Variants in CTNNA2 observed in about 807,000 individuals in gnomAD.
CTNNA2 encodes catenin alpha 2.
CTNNA2 carries 42 observed loss-of-function variants against 101.0 expected under a neutral mutation model. The observed-to-expected ratio is 0.42, with a 90% CI of 0.32 to 0.54. The LOEUF is 0.54. Ranked by LOEUF, CTNNA2 falls within the 20% of genes least tolerant of loss-of-function variation. The pLI is 0.14. For synonymous variants in CTNNA2, 450 were observed against 456.4 expected, an observed-to-expected ratio of 0.99 and a Z score of 0.18; for missense variants, 871 against 1,223.1, an observed-to-expected ratio of 0.71 and a Z score of 4.29.
rs115455560 is a variant in CTNNA2, at chr2:80,102,126, C to T, written c.1056+192329C>T. 5.0e-3 allele frequency among the ~76,000 whole-genome samples: 765 copies of T among 152,204 alleles called. 8 individuals carry two copies. Among genetic ancestry groups the T allele is most frequent in the African/African-American group, 0.017 (710 of 41,508 alleles). On this transcript the variant is annotated intron_variant, in intron 7 of 18. Transcript: ENST00000402739. ...AGTCTCTCTGACAGTACCTAGTGCC[C>T]GATATAAGGTTAGTAGGCAATGAGT...
intron 7 of CTNNA2, among the ~76,000 whole-genome samples, chr2:80,208,443 A>T (rs1707669012): frequency 6.6e-6 from 1 of 152,186 alleles, no homozygotes; most frequent in South Asian, 2.1e-4. Context: ...TAACAATTAT[A>T]AGGAAAGAAA....
chr2:79,489,142 G>A (rs1480031825), intron 4 of CTNNA2, among the ~76,000 whole-genome samples: 13 of 151,880 alleles, frequency 8.6e-5, no homozygotes. Flanking sequence ...ACATAATCAT[G>A]TTTACTTGGT....
chr2:79,564,237 ATATAT>A (rs996374848), intron 1 of CTNNA2, among the ~76,000 whole-genome samples: 2 of 151,372 alleles, frequency 1.3e-5, no homozygotes, highest in African/African-American at 4.8e-5. Flanking sequence ...GATTTTTAAA[ATATAT>A]TATTTTAAAA....
chr2:80,170,015 G>C (rs2148960342), intron 7 of CTNNA2, among the ~76,000 whole-genome samples: 1 of 152,344 alleles, frequency 6.6e-6, no homozygotes, highest in East Asian at 1.9e-4. Context: ...ACAGTGCCTA[G>C]AGGTAGCAAG....
At chr2:80,229,457 T>C (rs976232206) in intron 7 of CTNNA2, among the ~76,000 whole-genome samples, 7 of 152,166 alleles carry the variant, frequency 4.6e-5, no homozygotes, top group African/African-American at 1.7e-4. Context: ...ACCAGATTAC[T>C]GGTTTATTAT....
At chr2:80,462,631 C>CTTT (rs753815778) in intron 9 of CTNNA2, among the ~76,000 whole-genome samples, 4,710 of 94,640 alleles carry the variant, frequency 0.05, 406 homozygotes, top group African/African-American at 0.18. Flanking sequence ...TTCTTTCTTT[C>CTTT]TTTTTTTTTT....
chr2:79,754,789 G>A (rs2105050510), intron 3 of CTNNA2, among the ~76,000 whole-genome samples: 1 of 152,212 alleles, frequency 6.6e-6, no homozygotes, highest in East Asian at 1.9e-4. Context: ...TAGTTACCAT[G>A]TTCTAGTATG....
rs186841414 is a variant in CTNNA2, at chr2:80,127,043, G to C, written c.1056+217246G>C. ...ATCAGTGTTGTTTTCTCAGACAAAA[G>C]ACAGGAAACATTTTTGGAGAAAACT... is the stretch of plus-strand genomic sequence containing the variant. On this transcript the variant is annotated intron_variant, in intron 7 of 18. Transcript: ENST00000402739. 9.3e-4 allele frequency among the ~76,000 whole-genome samples: 141 copies of C among 152,178 alleles called. 2 individuals are homozygous for C. The highest frequency in any genetic ancestry group is 3.3e-3 in the African/African-American group (137 of 41,526).
chr2:80,200,887 C>T (rs1707162299), intron 7 of CTNNA2, among the ~76,000 whole-genome samples: 1 of 151,568 alleles, frequency 6.6e-6, no homozygotes, highest in Non-Finnish European at 1.5e-5. Context: ...TTTCCTGTAC[C>T]TTCTCAGTGT....
At chr2:80,570,563 C>T (rs1273910872) in intron 12 of CTNNA2, among the ~76,000 whole-genome samples, 1 of 152,096 alleles carries the variant, frequency 6.6e-6, no homozygotes, top group Non-Finnish European at 1.5e-5. Flanking sequence ...GATGTCTTGT[C>T]AGTTACAGTA....
intron 1 of CTNNA2, among the ~76,000 whole-genome samples, chr2:79,625,326 G>A (rs1679238701): frequency 6.6e-6 from 1 of 152,034 alleles, no homozygotes; most frequent in East Asian, 1.9e-4. Context: ...GGAAGATTAT[G>A]GCTCTTAATA....
rs555644272 is a variant in CTNNA2, at chr2:79,736,672, A to T, written c.103-7715A>T. ...TTCTATTTTAATTTTTACTTGTTTT[A>T]AATTTTAATTCTTTTAGGTTGTGGC... On this transcript the variant is annotated intron_variant, in intron 2 of 18. Coordinates refer to ENST00000402739, the MANE Select transcript of CTNNA2 (RefSeq NM_001282597.3). Among the ~76,000 whole-genome samples the T allele has an allele frequency of 2.0e-5, 3 of 152,274 alleles. 1 individual carries two copies. The highest frequency in any genetic ancestry group is 4.8e-5 in the African/African-American group (2 of 41,548).
intron 7 of CTNNA2, among the ~76,000 whole-genome samples, chr2:80,380,028 CTTTTTTTTT>C (rs769794108): frequency 1.2e-5 from 1 of 86,524 alleles, no homozygotes; most frequent in Non-Finnish European, 2.1e-5. Flanking sequence ...TCGAGATGTA[CTTTTTTTTT>C]TTTTTTTTTT....
intron 7 of CTNNA2, among the ~76,000 whole-genome samples, chr2:80,295,225 A>ATTTTT (rs11371104): frequency 6.8e-6 from 1 of 147,098 alleles, no homozygotes. Context: ...TCCTGAACAA[A>ATTTTT]TTTTTTTTTT....
chr2:79,808,445 C>G (rs1313328394), intron 3 of CTNNA2, among the ~76,000 whole-genome samples: 1 of 152,192 alleles, frequency 6.6e-6, no homozygotes, highest in South Asian at 2.1e-4. Context: ...TGGGGAAAGC[C>G]TGTCATAGCT....
intron 2 of CTNNA2, among the ~76,000 whole-genome samples, chr2:79,659,835 A>C (rs1269832699): frequency 2.0e-5 from 3 of 152,142 alleles, no homozygotes; most frequent in Non-Finnish European, 4.4e-5. Flanking sequence ...GTCTCTACTA[A>C]AAGTTTTTAA....
In CTNNA2 at chr2:79,490,489, C is replaced by T. The variant is rs181196916; in HGVS notation, c.-134-14565C>T. Among the ~76,000 whole-genome samples, 286 of 152,248 alleles carry T rather than the reference C, an allele frequency of 1.9e-3. 1 individual carries two copies. The highest frequency in any genetic ancestry group is 3.1e-3 in the Non-Finnish European group (209 of 68,018). ...TTCCACTTTAAACTGCATCAATATG[C>T]TATATATGTAGTATTTTGAGATTTG... On this transcript the variant is annotated intron_variant, in intron 4 of 21. Coordinates refer to the CTNNA2 transcript ENST00000466387.
chr2:79,715,037 CAA>C (rs60331511), intron 2 of CTNNA2, among the ~76,000 whole-genome samples: 22 of 97,106 alleles, frequency 2.3e-4, no homozygotes, highest in Non-Finnish European at 2.7e-4. Flanking sequence ...CTAAAAATAC[CAA>C]AAAAAAAAAA....
At chr2:80,284,479 G>A (rs996291974) in intron 7 of CTNNA2, among the ~76,000 whole-genome samples, 4 of 152,102 alleles carry the variant, frequency 2.6e-5, no homozygotes, top group African/African-American at 9.7e-5. Flanking sequence ...CTGATACACA[G>A]TGGTTCAAAC....
Sources: allele counts gnomAD v4.1 joint callset (sites outside exome capture counted in the v4.1 genomes callset), GRCh38; gene constraint gnomAD v4.1.1; transcripts MANE v1.5; gene names NCBI Gene and HGNC (gene_info 2026-07-23, HGNC 2026-07-21).